Variants in DRAM2 observed in about 807,000 individuals in gnomAD.
DRAM2 encodes DNA damage-regulated autophagy modulator protein 2.
A neutral mutation model predicts 33.5 loss-of-function variants in DRAM2; 26 were observed. The ratio of observed to expected loss-of-function variants is 0.78; its 90% CI spans 0.57 to 1.08. DRAM2 has a LOEUF of 1.08. Among genes scored for constraint, DRAM2 ranks in the 50% least tolerant of loss-of-function variants. The pLI, the probability that DRAM2 is intolerant of heterozygous loss-of-function variation, is 0.00. For missense variants in DRAM2, 311 were observed against 318.1 expected (o/e 0.98, Z 0.17); for synonymous variants, 98 against 109.5 (o/e 0.89, Z 0.66).
At chr1:111,127,910 G>A (rs1571041485) in intron 4 of DRAM2, 1 of 151,954 alleles carries the variant, frequency 6.6e-6, no homozygotes, top group Non-Finnish European at 1.5e-5. Flanking sequence ...TATTCTGTAC[G>A]TTAAATATTG....
At chr1:111,131,996 C>T (rs551030755) in intron 3 of DRAM2, among the ~76,000 whole-genome samples, 8 of 152,248 alleles carry the variant, frequency 5.3e-5, no homozygotes, top group South Asian at 2.1e-4. Context: ...GCTCTTAAAA[C>T]GCTTGGAATC....
chr1:111,128,140 T>C (rs561793783), intron 4 of DRAM2: 4 of 148,430 alleles, frequency 2.7e-5, no homozygotes, highest in Middle Eastern at 3.4e-3. Flanking sequence ...GTTTCTTTTT[T>C]TTTTTTTTTT....
chr1:111,129,079 G>A (rs886853789), intron 4 of DRAM2, among the ~76,000 whole-genome samples: 1 of 152,016 alleles, frequency 6.6e-6, no homozygotes. Context: ...TTTGTGCCAC[G>A]CCATACCACT....
chr1:111,129,049 C>T (rs1365015898), intron 4 of DRAM2, among the ~76,000 whole-genome samples: 2 of 152,174 alleles, frequency 1.3e-5, no homozygotes, highest in Non-Finnish European at 2.9e-5. Flanking sequence ...TCCCAAACTG[C>T]ATCCAATTTG....
At chr1:111,130,862 C>T (rs1174645814) in intron 4 of DRAM2, among the ~76,000 whole-genome samples, 2 of 150,800 alleles carry the variant, frequency 1.3e-5, no homozygotes, top group Non-Finnish European at 2.9e-5. Flanking sequence ...AAGAAATCAG[C>T]TGGGCGTAGT....
chr1:111,117,170 C>A lies in DRAM2; in HGVS notation c.*990G>T, dbSNP rs2278578. On this transcript the variant is annotated 3_prime_UTR_variant, in exon 10 of 10. Coordinates refer to ENST00000484310, the MANE Select transcript of DRAM2 (RefSeq NM_001349884.2). ...TGTTTTTGTAGATGCATGTATCACA[C>A]TTATTTTGCATGTAGTTTAATTGGA... 0.17 allele frequency among the ~76,000 whole-genome samples: 25,526 copies of A among 152,066 alleles called. 2,500 individuals carry two copies. The highest frequency in any genetic ancestry group is 0.32 in the South Asian group (1,568 of 4,826).
intron 3 of DRAM2, among the ~76,000 whole-genome samples, chr1:111,132,310 T>C (rs1652264354): frequency 6.6e-6 from 1 of 152,212 alleles, no homozygotes. Flanking sequence ...CCCCTTTCCA[T>C]ATCCCTTGCC....
intron 8 of DRAM2, 147 bp downstream of exon 8, chr1:111,119,730 T>C: frequency 1.5e-6 from 1 of 666,006 alleles, no homozygotes; most frequent in Non-Finnish European, 2.5e-6. Flanking sequence ...ACATAAACCC[T>C]ACCATATCAA....
chr1:111,128,922 A>G (rs967523323), intron 4 of DRAM2, among the ~76,000 whole-genome samples: 1 of 152,226 alleles, frequency 6.6e-6, no homozygotes, highest in Non-Finnish European at 1.5e-5. Context: ...CGGAGTTACT[A>G]AAGAATGGTG....
rs753636509 is a variant in DRAM2 at position 111,118,858 on chromosome 1, A to G, written c.640T>C (p.Ser214Pro). Residue 214 changes from serine to proline, a missense_variant, in exon 9 of 10, where the codon TCT becomes CCT. By Grantham distance (74) the Ser-to-Pro change is moderately conservative. Transcript: ENST00000484310. The part of the protein sequence containing the change: ...LHMITTAAEW[S>P]MSFSFFGFFL... ...AAACCAAAGAAGGAAAATGACATAGACCATTCTGCTGCAGTAGTGATCATG... is the reference window on the plus strand; with the variant it reads ...AAACCAAAGAAGGAAAATGACATAGGCCATTCTGCTGCAGTAGTGATCATG... The G allele has an allele frequency of 1.2e-6, 2 of 1,610,482 alleles. No individual in the cohort carries two copies. Among genetic ancestry groups the G allele is most frequent in the Non-Finnish European group, 1.7e-6 (2 of 1,177,912 alleles).
chr1:111,130,648 C>T (rs1339939760), intron 4 of DRAM2, among the ~76,000 whole-genome samples: 7 of 148,414 alleles, frequency 4.7e-5, no homozygotes, highest in Non-Finnish European at 8.9e-5. Context: ...TGCAGTGAGC[C>T]GAGATTGTGC....
At chr1:111,119,814 T>C (rs1649611941) in intron 8 of DRAM2, 63 bp downstream of exon 8, 4 of 1,304,884 alleles carry the variant, frequency 3.1e-6, no homozygotes, top group Non-Finnish European at 4.4e-6. Context: ...GAAAAACATA[T>C]CAAGATCAAT....
At chr1:111,125,205 G>A (rs151024437) in intron 5 of DRAM2, among the ~76,000 whole-genome samples, 248 of 152,188 alleles carry the variant, frequency 1.6e-3, no homozygotes, top group African/African-American at 5.7e-3. Context: ...GAACCTTAAG[G>A]TTGTATTATG....
Position 111,126,228 on chromosome 1 carries a change from T to A in DRAM2, c.198A>T (p.Leu66Phe), listed in dbSNP as rs76810096. ...FGAMLNIAAVLCIATIYVRYK... is the reference protein window; with the variant it reads ...FGAMLNIAAVFCIATIYVRYK... The stretch of plus-strand genomic sequence containing the variant: ...GTTAAAATCACTTTCATTACTTACA[T>A]AAAACTGCCGCAATATTTAGCATTG... The change falls in exon 5 of 10, where the codon TTA becomes TTT. Residue 66 changes from leucine (L) to phenylalanine (F), a missense_variant and splice_region_variant. Physicochemically the swap from Leu to Phe is conservative, Grantham distance 22. Coordinates refer to ENST00000484310, the MANE Select transcript of DRAM2 (RefSeq NM_001349884.2). The A allele has an allele frequency of 6.2e-7, 1 of 1,606,772 alleles. No individual in the cohort carries two copies. The highest frequency in any genetic ancestry group is 8.5e-7 in the Non-Finnish European group (1 of 1,174,130).
intron 4 of DRAM2, chr1:111,127,959 ATGT>A (rs1487442457): frequency 6.6e-6 from 1 of 152,192 alleles, no homozygotes; most frequent in Non-Finnish European, 1.5e-5. Context: ...ATATACATAG[ATGT>A]TGTAATATTT....
chr1:111,135,230 A>C (rs1002931692), intron 3 of DRAM2, among the ~76,000 whole-genome samples: 7 of 152,144 alleles, frequency 4.6e-5, no homozygotes, highest in Admixed American at 1.3e-4. Context: ...CACCCCCTGA[A>C]ACACAGGTAC....
chr1:111,134,866 T>C (rs2101113784), intron 3 of DRAM2, among the ~76,000 whole-genome samples: 1 of 152,160 alleles, frequency 6.6e-6, no homozygotes, highest in East Asian at 1.9e-4. Context: ...GTATTTGTTT[T>C]TTCCAGACAG....
intron 3 of DRAM2, among the ~76,000 whole-genome samples, chr1:111,133,411 C>A (rs1361560931): frequency 6.6e-6 from 1 of 152,174 alleles, no homozygotes; most frequent in South Asian, 2.1e-4. Context: ...TTCCTCACCT[C>A]AAGTGATCCA....
intron 7 of DRAM2, 94 bp downstream of exon 7, chr1:111,120,408 AAAAAAAAAAAAGAC>A: frequency 2.4e-6 from 1 of 422,582 alleles, no homozygotes; most frequent in Non-Finnish European, 3.5e-6. Context: ...AAAAAAAAAA[AAAAAAAAAAAAGAC>A]AAAAAGGCTT....
Sources: gnomAD v4.1 joint callset for allele counts (sites outside exome capture counted in the v4.1 genomes callset) on GRCh38, gnomAD v4.1.1 for gene constraint, MANE v1.5 for transcripts, NCBI Gene and HGNC (gene_info 2026-07-23, HGNC 2026-07-21) for gene names.